Variants in LRMDA observed in about 807,000 individuals in gnomAD.
The protein encoded by LRMDA is leucine rich melanocyte differentiation associated.
Under a neutral mutation model 29.8 loss-of-function variants are expected in LRMDA, and 18 were observed. That is an observed-to-expected ratio of 0.60 (90% CI 0.42 to 0.90). LRMDA has a LOEUF of 0.90. Ranked by LOEUF, LRMDA falls within the 40% of genes least tolerant of loss-of-function variation. The pLI is 0.00. For synonymous variants in LRMDA, 125 were observed against 109.4 expected, an observed-to-expected ratio of 1.14 and a Z score of -0.89; for missense variants, 273 against 273.9, an observed-to-expected ratio of 1.00 and a Z score of 0.02.
chr10:76,365,905 C>T (rs1418063868), intron 6 of LRMDA, among the ~76,000 whole-genome samples: 22 of 152,158 alleles, frequency 1.4e-4, no homozygotes, highest in Admixed American at 1.4e-3. Context: ...CTTAATCCAT[C>T]TTGAGTTGAT....
intron 4 of LRMDA, among the ~76,000 whole-genome samples, chr10:76,055,953 A>C (rs1370346527): frequency 1.3e-5 from 2 of 152,214 alleles, no homozygotes; most frequent in African/African-American, 4.8e-5. Flanking sequence ...GTGGGGGGAC[A>C]TGTTTCAGCC....
chr10:75,603,167 C>T (rs1047198019), intron 2 of LRMDA, among the ~76,000 whole-genome samples: 21 of 149,604 alleles, frequency 1.4e-4, no homozygotes, highest in African/African-American at 5.4e-4. Context: ...ATATAGTCAG[C>T]CTCATCTTAA....
chr10:76,229,223 C>A (rs559238867), intron 5 of LRMDA, among the ~76,000 whole-genome samples: 1 of 152,118 alleles, frequency 6.6e-6, no homozygotes, highest in South Asian at 2.1e-4. Context: ...ATAGACCAAT[C>A]AACAGGAGAA....
chr10:76,218,606 T>G (rs1003488249), intron 5 of LRMDA, among the ~76,000 whole-genome samples: 4 of 152,182 alleles, frequency 2.6e-5, no homozygotes, highest in African/African-American at 9.7e-5. Flanking sequence ...GTCAGGCAAG[T>G]ATGCAGTACA....
chr10:76,235,662 G>A (rs1160827153), intron 5 of LRMDA, among the ~76,000 whole-genome samples: 7 of 152,196 alleles, frequency 4.6e-5, no homozygotes, highest in South Asian at 2.1e-4. Context: ...AAGATTCTAC[G>A]GGAGGGAATT....
chr10:75,660,192 AAT>A (rs2132133928), intron 2 of LRMDA, among the ~76,000 whole-genome samples: 1 of 152,286 alleles, frequency 6.6e-6, no homozygotes, highest in South Asian at 2.1e-4. Flanking sequence ...TTACTCTTAA[AAT>A]AAAGCCTTCA....
At chr10:76,142,587 A>G (rs887130610) in intron 5 of LRMDA, among the ~76,000 whole-genome samples, 5 of 151,782 alleles carry the variant, frequency 3.3e-5, no homozygotes, top group South Asian at 2.1e-4. Flanking sequence ...TGTTGATGCT[A>G]TAGCAGCTGT....
At chr10:75,798,171 T>C (rs1344141411) in intron 2 of LRMDA, among the ~76,000 whole-genome samples, 1 of 152,166 alleles carries the variant, frequency 6.6e-6, no homozygotes, top group Non-Finnish European at 1.5e-5. Context: ...CTGTTTTTAT[T>C]ACTGAGTTAC....
intron 2 of LRMDA, among the ~76,000 whole-genome samples, chr10:76,032,127 T>C (rs759643911): frequency 1.3e-5 from 2 of 152,206 alleles, no homozygotes; most frequent in Non-Finnish European, 2.9e-5. Context: ...TGCCCAAGGC[T>C]GCCAGCCCTA....
intron 2 of LRMDA, among the ~76,000 whole-genome samples, chr10:75,652,712 A>G (rs1003784818): frequency 6.6e-6 from 1 of 152,162 alleles, no homozygotes; most frequent in African/African-American, 2.4e-5. Flanking sequence ...TCTATCAGAC[A>G]TGTATTCTGG....
chr10:75,792,785 T>A (rs992170103), intron 2 of LRMDA, among the ~76,000 whole-genome samples: 11 of 152,202 alleles, frequency 7.2e-5, no homozygotes, highest in Non-Finnish European at 1.5e-4. Context: ...AAAATAGTAA[T>A]AATATCTGCT....
intron 6 of LRMDA, among the ~76,000 whole-genome samples, chr10:76,325,020 G>T (rs1352491954): frequency 6.6e-6 from 1 of 152,162 alleles, no homozygotes; most frequent in Non-Finnish European, 1.5e-5. Flanking sequence ...CATGTCTGTT[G>T]CCATCTCTAG....
intron 5 of LRMDA, among the ~76,000 whole-genome samples, chr10:76,135,535 T>G (rs1421128146): frequency 6.6e-6 from 1 of 152,156 alleles, no homozygotes; most frequent in African/African-American, 2.4e-5. Context: ...CACAACCAAC[T>G]AGGTGGTTTA....
chr10:76,159,737 G>A (rs529648428), intron 5 of LRMDA, among the ~76,000 whole-genome samples: 2 of 152,090 alleles, frequency 1.3e-5, no homozygotes, highest in Non-Finnish European at 2.9e-5. Flanking sequence ...GCAAAGACAT[G>A]GAAGAAACTT....
intron 2 of LRMDA, among the ~76,000 whole-genome samples, chr10:75,834,773 G>A (rs1343308967): frequency 6.6e-6 from 1 of 152,168 alleles, no homozygotes. Context: ...AGCAGCAGTG[G>A]CTTTAACATC....
At chr10:76,538,789 A>C (rs1843320860) in intron 6 of LRMDA, among the ~76,000 whole-genome samples, 1 of 151,876 alleles carries the variant, frequency 6.6e-6, no homozygotes, top group Admixed American at 6.6e-5. Context: ...GGCAGAGCTA[A>C]TTTTTTTCCT....
intron 2 of LRMDA, among the ~76,000 whole-genome samples, chr10:75,541,451 G>A (rs573502840): frequency 5.4e-5 from 8 of 147,788 alleles, no homozygotes; most frequent in Non-Finnish European, 8.9e-5. Flanking sequence ...CAGTGCAAAA[G>A]GCCATTTCTT....
At position 75,889,950 on chromosome 10, in the gene LRMDA, G is replaced by A. The variant is rs537582272; in HGVS notation, c.132-146058G>A. Among the ~76,000 whole-genome samples, 342 of 152,326 alleles carry A rather than the reference G, an allele frequency of 2.2e-3. 1 individual carries two copies. Among genetic ancestry groups the A allele is most frequent in the Admixed American group, 2.8e-3 (43 of 15,302 alleles). ...TAAGACTGGGACCTGAAGGGTAGGT[G>A]GATTTTAGCTGGTTAGAAGATGTTC... On this transcript the variant is annotated intron_variant, in intron 2 of 6. Transcript: ENST00000611255.
chr10:76,275,933 T>A (rs1840125508), intron 5 of LRMDA, among the ~76,000 whole-genome samples: 1 of 152,144 alleles, frequency 6.6e-6, no homozygotes, highest in South Asian at 2.1e-4. Flanking sequence ...TTGGATAATT[T>A]ATTTTTATGT....
Sources: allele counts gnomAD v4.1 joint callset (sites outside exome capture counted in the v4.1 genomes callset), GRCh38; gene constraint gnomAD v4.1.1; transcripts MANE v1.5; gene names NCBI Gene and HGNC (gene_info 2026-07-23, HGNC 2026-07-21).